Variants in ASXL3 observed in about 807,000 individuals in gnomAD.
The protein encoded by ASXL3 is putative Polycomb group protein ASXL3.
A neutral mutation model predicts 170.6 loss-of-function variants in ASXL3; 34 were observed. The observed-to-expected ratio is 0.20, with a 90% CI of 0.15 to 0.27. The LOEUF (loss-of-function observed/expected upper bound fraction) is 0.27. Among genes scored for constraint, ASXL3 ranks in the 10% least tolerant of loss-of-function variants. The pLI is 1.00. For synonymous variants in ASXL3, 1,002 were observed against 989.1 expected (o/e 1.01, Z -0.24); for missense variants, 2,592 against 2,695.3 (o/e 0.96, Z 0.85).
chr18:33,646,339 G>T lies in ASXL3; in HGVS notation c.341G>T (p.Gly114Val), dbSNP rs1242632825. ...GATATGGCCGAGGCAAATGCCCATG[G>T]AGAAGAAAATGGAGGTAAGTGTGAT... is the stretch of plus-strand genomic sequence containing the variant. ...GTDMAEANAH[G>V]EENGVCSKQV... is the part of the protein sequence containing the mutation. Residue 114 changes from glycine to valine, a missense_variant, in exon 4 of 12, where the codon GGA becomes GTA. Around this residue, in one of 4 missense-constraint regions of ASXL3, gnomAD observed 251 missense variants for 281.9 expected, o/e 0.89. Coordinates refer to ENST00000269197, the MANE Select transcript of ASXL3 (RefSeq NM_030632.3). 6.2e-7 allele frequency: 1 copy of T among 1,609,132 alleles called. No individual in the cohort carries two copies. Among genetic ancestry groups the T allele is most frequent in the Admixed American group, 1.7e-5 (1 of 59,584 alleles).
At chr18:33,661,242 T>G (rs1317511008) in intron 4 of ASXL3, among the ~76,000 whole-genome samples, 1 of 151,820 alleles carries the variant, frequency 6.6e-6, no homozygotes, top group Non-Finnish European at 1.5e-5. Flanking sequence ...TTTATATTGT[T>G]TTTTTTTGTT....
Position 33,740,121 on chromosome 18 carries a change from A to C in ASXL3, c.2717A>C (p.Gln906Pro). The change falls in exon 11 of 12, where the codon CAA (glutamine) becomes CCA (proline). Residue 906 changes from glutamine (Q) to proline (P), a missense_variant. Physicochemically the swap from Gln to Pro is moderately conservative, Grantham distance 76 (BLOSUM62 -1). Coordinates refer to ENST00000269197, the MANE Select transcript of ASXL3 (RefSeq NM_030632.3). ...ELPSAKLQDK[Q>P]YISSVDKAPF... Reference sequence around the variant, plus strand: ...CCATCTGCTAAATTACAGGACAAGCAATATATCTCATCAGTGGATAAGGCT... The same window carrying C: ...CCATCTGCTAAATTACAGGACAAGCCATATATCTCATCAGTGGATAAGGCT... 6.2e-7 allele frequency: 1 copy of C among 1,613,936 alleles called. No individual in the cohort carries two copies. Among genetic ancestry groups the C allele is most frequent in the Non-Finnish European group, 8.5e-7 (1 of 1,179,846 alleles).
intron 8 of ASXL3, among the ~76,000 whole-genome samples, chr18:33,719,684 A>G (rs2067226177): frequency 6.6e-6 from 1 of 152,012 alleles, no homozygotes; most frequent in South Asian, 2.1e-4. Context: ...TTAGATCATG[A>G]GGACAGAGTC....
At chr18:33,620,320 G>T (rs536052375) in intron 2 of ASXL3, among the ~76,000 whole-genome samples, 1 of 152,204 alleles carries the variant, frequency 6.6e-6, no homozygotes, top group East Asian at 1.9e-4. Flanking sequence ...TAGAAAATTG[G>T]CATTAATTAA....
At chr18:33,735,835 CCAGA>C (rs1402534647) in intron 10 of ASXL3, among the ~76,000 whole-genome samples, 5 of 152,242 alleles carry the variant, frequency 3.3e-5, no homozygotes, top group Middle Eastern at 3.4e-3. Context: ...CTCCTCTGTG[CCAGA>C]CACTCTCTTG....
intron 1 of ASXL3, among the ~76,000 whole-genome samples, chr18:33,606,608 T>G (rs1193760870): frequency 6.6e-6 from 1 of 152,006 alleles, no homozygotes; most frequent in East Asian, 1.9e-4. Flanking sequence ...ATAATTATGA[T>G]TCTTCCAATA....
At chr18:33,592,421 C>G (rs915919646) in intron 1 of ASXL3, among the ~76,000 whole-genome samples, 1 of 152,136 alleles carries the variant, frequency 6.6e-6, no homozygotes, top group Non-Finnish European at 1.5e-5. Context: ...TGGCATCATA[C>G]TTCTTTGCTG....
chr18:33,732,838 G>A (rs569583384), intron 9 of ASXL3, among the ~76,000 whole-genome samples: 1 of 142,692 alleles, frequency 7.0e-6, no homozygotes, highest in African/African-American at 2.6e-5. Context: ...TCTAGCCAAG[G>A]CAACAGAGTG....
chr18:33,701,168 A>G (rs147587143), intron 8 of ASXL3, among the ~76,000 whole-genome samples: 2 of 152,032 alleles, frequency 1.3e-5, no homozygotes, highest in South Asian at 2.1e-4. Context: ...AATATCCTCC[A>G]AAGTATTCTA....
At chr18:33,622,203 TC>T (rs2065525904) in intron 2 of ASXL3, among the ~76,000 whole-genome samples, 1 of 152,168 alleles carries the variant, frequency 6.6e-6, no homozygotes, top group Admixed American at 6.6e-5. Flanking sequence ...AGCAGCTAAA[TC>T]CAATATAATT....
At position 33,731,957 on chromosome 18, in the gene ASXL3, T is replaced by C. The variant is rs2067456314; in HGVS notation, c.880-11T>C. On this transcript the variant is annotated splice_polypyrimidine_tract_variant and intron_variant, in intron 8 of 11. Transcript: ENST00000269197. ...TGATGGAACCTTGTTTTTGTCGGCT[T>C]ATTTTCCTAGATGGGAAGTGATGGA... 6.2e-7 allele frequency: 1 copy of C among 1,600,540 alleles called. No individual in the cohort carries two copies. Among genetic ancestry groups the C allele is most frequent in the Non-Finnish European group, 8.5e-7 (1 of 1,175,226 alleles).
intron 4 of ASXL3, among the ~76,000 whole-genome samples, chr18:33,657,424 G>A (rs1301911990): frequency 6.6e-6 from 1 of 152,076 alleles, no homozygotes; most frequent in Non-Finnish European, 1.5e-5. Context: ...ATCCTGGGTT[G>A]TAAGTCACAG....
At chr18:33,695,899 A>G (rs1019867366) in intron 8 of ASXL3, among the ~76,000 whole-genome samples, 4 of 152,146 alleles carry the variant, frequency 2.6e-5, no homozygotes, top group Admixed American at 6.6e-5. Flanking sequence ...GTTCTCTTAC[A>G]TAATTTACTT....
At chr18:33,621,462 A>T (rs114208762) in intron 2 of ASXL3, among the ~76,000 whole-genome samples, 3 of 152,190 alleles carry the variant, frequency 2.0e-5, no homozygotes, top group African/African-American at 4.8e-5. Flanking sequence ...TTTTGCACCT[A>T]CCTAATAGTA....
intron 2 of ASXL3, among the ~76,000 whole-genome samples, chr18:33,641,600 C>G (rs137862165): frequency 1.9e-4 from 29 of 152,102 alleles, no homozygotes; most frequent in Middle Eastern, 3.4e-3. Context: ...GGGAAAAAAT[C>G]GAAGCCACCT....
At chr18:33,611,550 G>T (rs773263500) in intron 2 of ASXL3, among the ~76,000 whole-genome samples, 9 of 152,014 alleles carry the variant, frequency 5.9e-5, no homozygotes, top group Non-Finnish European at 1.3e-4. Context: ...CTTTTCAGAT[G>T]ATTGGAATCA....
At chr18:33,579,636 T>C (rs1222832158) in intron 1 of ASXL3, among the ~76,000 whole-genome samples, 2 of 152,182 alleles carry the variant, frequency 1.3e-5, no homozygotes, top group Non-Finnish European at 2.9e-5. Context: ...TATCTTCTTT[T>C]AAAGGACAGC....
Position 33,740,021 on chromosome 18 carries a change from GA to G in ASXL3, c.2625del (p.Val876CysfsTer59). The G allele has an allele frequency of 1.2e-6, 2 of 1,611,978 alleles. No individual in the cohort carries two copies. The highest frequency in any genetic ancestry group is 1.3e-5 in the African/African-American group (1 of 74,706). On this transcript the variant is annotated frameshift_variant, in exon 11 of 12. Coordinates refer to ENST00000269197, the MANE Select transcript of ASXL3 (RefSeq NM_030632.3). LOFTEE classifies it high-confidence loss of function. ...VKNHSVLQRT[E>X]KKVLPSPLEL... ...AAATCATAGCGTCCTGCAAAGAACA[GA>G]AAAAAAAGTGTTACCTTCACCATTG...
At chr18:33,735,555 A>G (rs2067531356) in intron 10 of ASXL3, among the ~76,000 whole-genome samples, 1 of 152,204 alleles carries the variant, frequency 6.6e-6, no homozygotes. Context: ...GCCTGGCTGC[A>G]TCAAAATCTA....
Sources: allele counts gnomAD v4.1 joint callset (sites outside exome capture counted in the v4.1 genomes callset), GRCh38; gene constraint gnomAD v4.1.1; regional missense constraint gnomAD v4.1.1; transcripts MANE v1.5; gene names NCBI Gene and HGNC (gene_info 2026-07-23, HGNC 2026-07-21).